TSHZ1: variants seen among roughly 807,000 people sequenced by gnomAD.
TSHZ1 encodes teashirt homolog 1.
A neutral mutation model predicts 67.1 loss-of-function variants in TSHZ1; 12 were observed. The observed-to-expected ratio is 0.18, with a 90% CI of 0.11 to 0.29. The LOEUF (loss-of-function observed/expected upper bound fraction) is 0.29. Among genes scored for constraint, TSHZ1 ranks in the 10% least tolerant of loss-of-function variants. The pLI, the probability that TSHZ1 is intolerant of heterozygous loss-of-function variation, is 1.00. For missense variants in TSHZ1, 1,305 were observed against 1,413.9 expected, an observed-to-expected ratio of 0.92 and a Z score of 1.23; for synonymous variants, 632 against 622.4, an observed-to-expected ratio of 1.02 and a Z score of -0.23.
chr18:75,211,945 G>A (rs961764878), intron 1 of TSHZ1, 29 bp downstream of exon 1: 9 of 1,202,990 alleles, frequency 7.5e-6, no homozygotes, highest in East Asian at 3.4e-5. Flanking sequence ...GCGCCGCGGG[G>A]AGTGGGCGCC....
At chr18:75,244,848 C>T (rs2023203063) in intron 1 of TSHZ1, among the ~76,000 whole-genome samples, 1 of 152,164 alleles carries the variant, frequency 6.6e-6, no homozygotes, top group South Asian at 2.1e-4. Flanking sequence ...AGAGCTGGTT[C>T]AGGTGGCTGA....
chr18:75,253,004 G>A (rs953303630), intron 1 of TSHZ1, among the ~76,000 whole-genome samples: 2 of 152,034 alleles, frequency 1.3e-5, no homozygotes, highest in Non-Finnish European at 2.9e-5. Context: ...GTTAATTCTG[G>A]AATACTCAGC....
In TSHZ1 at chr18:75,274,349, G is replaced by A. The variant is rs546378624; in HGVS notation, c.41-11099G>A. Among the ~76,000 whole-genome samples, 5 of 152,246 alleles carry A rather than the reference G, an allele frequency of 3.3e-5. No homozygotes were observed. The South Asian group carries it at 1.0e-3, about 32-fold the overall frequency. On this transcript the variant is annotated intron_variant, in intron 1 of 1. Transcript: ENST00000580243. ...CAGATTTTCATGAGGTGGAGGTGGGGTGATGGTGGGGGGCTGGTGACGCCA... is the reference window on the plus strand; with the variant it reads ...CAGATTTTCATGAGGTGGAGGTGGGATGATGGTGGGGGGCTGGTGACGCCA...
chr18:75,285,938 C>G lies in TSHZ1; in HGVS notation c.531C>G (p.Thr177=). 1 of 1,557,048 alleles carries G rather than the reference C, an allele frequency of 6.4e-7. No individual in the cohort carries two copies. The highest frequency in any genetic ancestry group is 8.7e-7 in the Non-Finnish European group (1 of 1,151,634). ...TTGPTTSTPS[T]SCSSSTSHSS... is the part of the protein sequence containing the mutation. The stretch of plus-strand genomic sequence containing the variant: ...GCCCCACCACGAGCACGCCCAGCAC[C>G]AGCTGCAGCTCCAGCACCAGCCACA... The change falls in exon 2 of 2, where the codon ACC becomes ACG. Residue 177 remains threonine (T), a synonymous_variant. Coordinates refer to ENST00000580243, the MANE Select transcript of TSHZ1 (RefSeq NM_001308210.2).
rs1402607656 is a variant in TSHZ1, at chr18:75,281,590, G to A, written c.41-3858G>A. On this transcript the variant is annotated intron_variant, in intron 1 of 1. Transcript: ENST00000580243. The surrounding 1 kb of genome is among the most constrained non-coding windows in gnomAD (Gnocchi z 5.3). ...GGTGTGCAGGGGTGCTCATGGCTGT[G>A]GTCGGCACAGGCCCTGGGGTTGTGG... 6.6e-6 allele frequency among the ~76,000 whole-genome samples: 1 copy of A among 152,134 alleles called. No homozygotes were observed. The highest frequency in any genetic ancestry group is 2.4e-5 in the African/African-American group (1 of 41,430).
chr18:75,212,309 G>C (rs928004538), intron 1 of TSHZ1, among the ~76,000 whole-genome samples: 5 of 152,090 alleles, frequency 3.3e-5, no homozygotes, highest in African/African-American at 4.8e-5. Flanking sequence ...CCTGACACTT[G>C]AAAACAAGGT....
intron 1 of TSHZ1, among the ~76,000 whole-genome samples, chr18:75,259,459 C>T (rs1260362858): frequency 1.3e-5 from 2 of 152,154 alleles, no homozygotes; most frequent in East Asian, 1.9e-4. Context: ...CACGGTCCCT[C>T]CTAGGACACA....
In TSHZ1 at chr18:75,287,050, G is replaced by A. The variant is rs779792652; in HGVS notation, c.1643G>A (p.Gly548Glu). The change falls in exon 2 of 2, where the codon GGG (glycine) becomes GAG (glutamate). Residue 548 changes from glycine to glutamate, a missense_variant. Coordinates refer to ENST00000580243, the MANE Select transcript of TSHZ1 (RefSeq NM_001308210.2). This position sits in a 1 kb window ranked among gnomAD's most constrained non-coding sequence, Gnocchi z 5.0. The stretch of plus-strand genomic sequence containing the variant: ...GACCTGGACGACAGCCCCAAGGGAG[G>A]GCTGGACATTCTCAAGTCCCTGGAG... ...EEDLDDSPKG[G>E]LDILKSLENT... 7 of 1,613,922 alleles carry A rather than the reference G, an allele frequency of 4.3e-6. No homozygotes were observed. Among genetic ancestry groups the A allele is most frequent in the South Asian group, 3.3e-5 (3 of 91,088 alleles).
chr18:75,224,352 C>T (rs2022892795), intron 1 of TSHZ1, among the ~76,000 whole-genome samples: 1 of 152,178 alleles, frequency 6.6e-6, no homozygotes, highest in African/African-American at 2.4e-5. Flanking sequence ...TAGTCCCTGA[C>T]AGATGTCTGT....
chr18:75,237,797 T>TTTA (rs1176728765), intron 1 of TSHZ1, among the ~76,000 whole-genome samples: 1 of 149,348 alleles, frequency 6.7e-6, no homozygotes, highest in East Asian at 1.9e-4. Flanking sequence ...CTTTCATTTA[T>TTTA]TTATTTATTT....
intron 1 of TSHZ1, among the ~76,000 whole-genome samples, chr18:75,278,683 C>G (rs940863047): frequency 3.3e-5 from 5 of 151,940 alleles, no homozygotes; most frequent in Non-Finnish European, 7.4e-5. Flanking sequence ...CCTGGTTGAG[C>G]CTTGGGAGGG....
intron 1 of TSHZ1, among the ~76,000 whole-genome samples, chr18:75,246,703 TG>T (rs2023229412): frequency 6.6e-6 from 1 of 152,132 alleles, no homozygotes; most frequent in South Asian, 2.1e-4. Flanking sequence ...GGCCTTTTTT[TG>T]TTTTTAGGCA....
At chr18:75,252,459 T>TAGTTTAGTTGGTCC (rs2023316829) in intron 1 of TSHZ1, among the ~76,000 whole-genome samples, 2 of 152,228 alleles carry the variant, frequency 1.3e-5, no homozygotes, top group African/African-American at 4.8e-5. Context: ...TGTTTTTATG[T>TAGTTTAGTTGGTCC]AGTTTAGTTG....
intron 1 of TSHZ1, among the ~76,000 whole-genome samples, chr18:75,240,372 T>G (rs1002953478): frequency 6.6e-6 from 1 of 152,144 alleles, no homozygotes; most frequent in African/African-American, 2.4e-5. Context: ...GCTCCTTTTT[T>G]TTTTTTTGAC....
At chr18:75,271,425 C>T (rs1462395779) in intron 1 of TSHZ1, among the ~76,000 whole-genome samples, 1 of 152,174 alleles carries the variant, frequency 6.6e-6, no homozygotes, top group Non-Finnish European at 1.5e-5. Context: ...TCGCTTCACT[C>T]AAGGATGCAA....
intron 1 of TSHZ1, among the ~76,000 whole-genome samples, chr18:75,226,940 C>T (rs550264182): frequency 2.6e-5 from 4 of 152,254 alleles, no homozygotes; most frequent in East Asian, 1.9e-4. Flanking sequence ...GCAACAGCTC[C>T]GAGGTCCTGC....
rs200159331 is a variant in TSHZ1, at chr18:75,287,469, G to A, written c.2062G>A (p.Gly688Ser). Residue 688 changes from glycine to serine, a missense_variant, in exon 2 of 2, where the codon GGC becomes AGC. By Grantham distance (56) the Gly-to-Ser change is moderately conservative (BLOSUM62 0). Around this residue, in one of 3 missense-constraint regions of TSHZ1, gnomAD observed 909 missense variants for 961.8 expected, o/e 0.95. Coordinates refer to ENST00000580243, the MANE Select transcript of TSHZ1 (RefSeq NM_001308210.2). This position sits in a 1 kb window ranked among gnomAD's most constrained non-coding sequence, Gnocchi z 5.0. ...TTTCCCGAAAACGGAGGAAGTCAGC[G>A]GCAAACCACAGAAGAAGGGCCCTGA... is the stretch of plus-strand genomic sequence containing the variant. ...KDFPKTEEVS[G>S]KPQKKGPEAE... 136 of 1,614,088 alleles carry A rather than the reference G, an allele frequency of 8.4e-5. 1 individual carries two copies. The highest frequency in any genetic ancestry group is 1.6e-4 in the Middle Eastern group (1 of 6,084).
chr18:75,216,591 G>A (rs1377011607), intron 1 of TSHZ1, among the ~76,000 whole-genome samples: 2 of 152,218 alleles, frequency 1.3e-5, no homozygotes, highest in Non-Finnish European at 2.9e-5. Context: ...TTGGTTATAA[G>A]AGGTTTTGTG....
intron 1 of TSHZ1, among the ~76,000 whole-genome samples, chr18:75,261,187 A>T (rs116530344): frequency 0.016 from 2,394 of 152,154 alleles, 68 homozygotes; most frequent in African/African-American, 0.054. Flanking sequence ...GGAAAAGGAA[A>T]GGAGAGATGG....
Sources: gnomAD v4.1 joint callset for allele counts (sites outside exome capture counted in the v4.1 genomes callset) on GRCh38, gnomAD v4.1.1 for gene constraint, gnomAD v4.1.1 regional missense constraint, Gnocchi (gnomAD v3.1) non-coding constraint, MANE v1.5 for transcripts, NCBI Gene and HGNC (gene_info 2026-07-23, HGNC 2026-07-21) for gene names.